ELAVL2: variants seen among roughly 807,000 people sequenced by gnomAD.
The protein encoded by ELAVL2 is ELAV like RNA binding protein 2.
ELAVL2 carries 4 observed loss-of-function variants against 34.6 expected under a neutral mutation model. That is an observed-to-expected ratio of 0.12 (90% CI 0.06 to 0.26). ELAVL2 has a LOEUF of 0.26. ELAVL2 is among the 10% of genes least tolerant of loss of function. ELAVL2 has a pLI of 1.00. For missense variants in ELAVL2, 432 were observed against 442.8 expected, an observed-to-expected ratio of 0.98 and a Z score of 0.22; for synonymous variants, 193 against 154.8, an observed-to-expected ratio of 1.25 and a Z score of -1.83.
At chr9:23,775,721 G>GC (rs908600264) in intron 1 of ELAVL2, among the ~76,000 whole-genome samples, 1 of 152,066 alleles carries the variant, frequency 6.6e-6, no homozygotes, top group African/African-American at 2.4e-5. Context: ...CACATGCCCA[G>GC]CACCCCCGCA....
At chr9:23,731,646 A>G (rs1432432636) in intron 2 of ELAVL2, among the ~76,000 whole-genome samples, 1 of 152,190 alleles carries the variant, frequency 6.6e-6, no homozygotes. Context: ...GCGTGTATAC[A>G]TGTAAGTTTA....
chr9:23,810,747 C>G (rs1316800766), intron 1 of ELAVL2, among the ~76,000 whole-genome samples: 3 of 152,134 alleles, frequency 2.0e-5, no homozygotes, highest in African/African-American at 4.8e-5. Flanking sequence ...GACCTCTGAG[C>G]TTCATTTTCC....
intron 5 of ELAVL2, among the ~76,000 whole-genome samples, chr9:23,697,363 G>T (rs2035616906): frequency 6.6e-6 from 1 of 152,150 alleles, no homozygotes; most frequent in Non-Finnish European, 1.5e-5. Context: ...GAAGTCAGAT[G>T]AGATATCTGA....
intron 2 of ELAVL2, among the ~76,000 whole-genome samples, chr9:23,755,706 T>TG (rs1471133917): frequency 6.6e-6 from 1 of 152,166 alleles, no homozygotes. Context: ...CATTTACCCC[T>TG]GTGCAGGCAT....
At chr9:23,816,778 T>A (rs1251502421) in intron 1 of ELAVL2, among the ~76,000 whole-genome samples, 1 of 152,186 alleles carries the variant, frequency 6.6e-6, no homozygotes, top group African/African-American at 2.4e-5. Flanking sequence ...GAGTGAAAAA[T>A]GGATACTCTG....
At chr9:23,741,917 T>A (rs2049298733) in intron 2 of ELAVL2, among the ~76,000 whole-genome samples, 2 of 152,156 alleles carry the variant, frequency 1.3e-5, no homozygotes, top group Admixed American at 1.3e-4. Flanking sequence ...TGTTCTGGCT[T>A]TCAAGTGGCA....
intron 3 of ELAVL2, among the ~76,000 whole-genome samples, chr9:23,719,539 T>TA (rs948502926): frequency 6.6e-6 from 1 of 152,208 alleles, no homozygotes; most frequent in Admixed American, 6.5e-5. Context: ...GAAAACACTG[T>TA]AAGCCTTTTG....
rs181768867 is a variant in ELAVL2, at chr9:23,712,936, A to G, written c.334-7865T>C. Reference sequence around the variant, plus strand: ...GGCTGTAAGAACTGTATATCAAGCAACTGATCATCAACTACAGACTTCACA... The same window carrying G: ...GGCTGTAAGAACTGTATATCAAGCAGCTGATCATCAACTACAGACTTCACA... On this transcript the variant is annotated intron_variant, in intron 3 of 6. Transcript: ENST00000397312. 2.0e-3 allele frequency among the ~76,000 whole-genome samples: 299 copies of G among 152,350 alleles called. 7 individuals are homozygous for G. Among genetic ancestry groups the G allele is most frequent in the Non-Finnish European group, 2.1e-3 (145 of 68,020 alleles).
At chr9:23,789,001 A>G (rs67032769) in intron 1 of ELAVL2, among the ~76,000 whole-genome samples, 25,709 of 152,208 alleles carry the variant, frequency 0.17, 2,684 homozygotes, top group East Asian at 0.34. Flanking sequence ...GGTAAGGAGG[A>G]ACTACTGCCA....
chr9:23,841,664 G>A, the ELAVL2 span, among the ~76,000 whole-genome samples: 1 of 152,122 alleles, frequency 6.6e-6, no homozygotes, highest in East Asian at 1.9e-4. Context: ...ATGTCAATGA[G>A]AGAGTTGGAA....
At chr9:23,799,311 G>A (rs1433560791) in intron 1 of ELAVL2, among the ~76,000 whole-genome samples, 4 of 152,156 alleles carry the variant, frequency 2.6e-5, no homozygotes, top group Admixed American at 2.0e-4. Context: ...ATCTTTAGAG[G>A]AGAAAAGCAA....
chr9:23,725,768 G>C (rs973561160), intron 3 of ELAVL2, among the ~76,000 whole-genome samples: 1 of 152,140 alleles, frequency 6.6e-6, no homozygotes, highest in Non-Finnish European at 1.5e-5. Flanking sequence ...CTTCAGGAGA[G>C]GTTGCTGCTT....
chr9:23,734,333 T>C (rs2047309046), intron 2 of ELAVL2, among the ~76,000 whole-genome samples: 1 of 152,210 alleles, frequency 6.6e-6, no homozygotes, highest in African/African-American at 2.4e-5. Context: ...TACTGTTTAA[T>C]TGTAGCTTCA....
chr9:23,730,665 C>T (rs756939701), intron 3 of ELAVL2, among the ~76,000 whole-genome samples: 3 of 151,964 alleles, frequency 2.0e-5, no homozygotes, highest in South Asian at 2.1e-4. Flanking sequence ...ATGCATGGCT[C>T]GCAAAACCTT....
intron 1 of ELAVL2, among the ~76,000 whole-genome samples, chr9:23,778,884 ATAC>A (rs2058642402): frequency 1.3e-5 from 2 of 152,326 alleles, no homozygotes; most frequent in South Asian, 4.1e-4. Flanking sequence ...TGGCCTGTTT[ATAC>A]TACTATGGAT....
intron 1 of ELAVL2, among the ~76,000 whole-genome samples, chr9:23,810,511 G>C (rs1231443250): frequency 6.6e-6 from 1 of 152,122 alleles, no homozygotes; most frequent in Non-Finnish European, 1.5e-5. Flanking sequence ...ATTGCTGCTG[G>C]AGTCACACCA....
intron 1 of ELAVL2, among the ~76,000 whole-genome samples, chr9:23,782,794 A>C (rs2059234448): frequency 6.6e-6 from 1 of 152,190 alleles, no homozygotes. Flanking sequence ...ACTATTTACC[A>C]GCCTGCTTGA....
At position 23,816,342 on chromosome 9, in the gene ELAVL2, AAAAAG is replaced by A. The variant is rs1226308427; in HGVS notation, c.-16+9459_-16+9463del. ...TAAAAAAAAAAAAAAAAAAAAAAAAAAAAAGGGGATAAAAATCCATCTTGAAGGAA... is the reference window on the plus strand; with the variant it reads ...TAAAAAAAAAAAAAAAAAAAAAAAAAGGGATAAAAATCCATCTTGAAGGAA... On this transcript the variant is annotated intron_variant, in intron 1 of 6. Transcript: ENST00000397312. Among the ~76,000 whole-genome samples, 74 of 149,812 alleles carry A rather than the reference AAAAAG, an allele frequency of 4.9e-4. 1 individual carries two copies. The highest frequency in any genetic ancestry group is 1.7e-3 in the African/African-American group (70 of 41,132).
the ELAVL2 span, among the ~76,000 whole-genome samples, chr9:23,842,338 T>A: frequency 6.6e-6 from 1 of 152,092 alleles, no homozygotes; most frequent in Non-Finnish European, 1.5e-5. Flanking sequence ...CATGTTCCAG[T>A]GCAACTCAAC....
Sources: gnomAD v4.1 joint callset for allele counts (sites outside exome capture counted in the v4.1 genomes callset) on GRCh38, gnomAD v4.1.1 for gene constraint, MANE v1.5 for transcripts, NCBI Gene and HGNC (gene_info 2026-07-23, HGNC 2026-07-21) for gene names.